The following CCDC167 variants were observed in gnomAD, a reference collection of about 807,000 sequenced individuals.
CCDC167 encodes the protein coiled-coil domain containing 167, also known as coiled-coil domain-containing protein 167.
In CCDC167, 15 loss-of-function variants were observed where a neutral mutation model predicts 12.7. The ratio of observed to expected loss-of-function variants is 1.18; its 90% CI spans 0.79 to 1.81. The LOEUF (loss-of-function observed/expected upper bound fraction) is 1.81. CCDC167 is among the 40% of genes most tolerant of loss of function. The probability of loss-of-function intolerance (pLI) is 0.00; values close to 1 mark genes in which losing one functional copy is unlikely to be tolerated. For missense variants in CCDC167, 121 were observed against 120.1 expected (o/e 1.01, Z -0.03); for synonymous variants, 52 against 49.0 (o/e 1.06, Z -0.26).
chr6:37,489,428 G>T (rs955937063), intron 1 of CCDC167, among the ~76,000 whole-genome samples: 2 of 152,104 alleles, frequency 1.3e-5, no homozygotes, highest in South Asian at 4.1e-4. Flanking sequence ...AGGCCAGCTC[G>T]CTCCGCTTAC....
In CCDC167 at chr6:37,484,219, C is replaced by A. The variant is rs555057081; in HGVS notation, c.190+591G>T. 3.4e-4 allele frequency among the ~76,000 whole-genome samples: 52 copies of A among 152,308 alleles called. No individual in the cohort carries two copies. In the South Asian group the frequency reaches 0.01, roughly 30 times the overall value. On this transcript the variant is annotated intron_variant, in intron 3 of 3. Transcript: ENST00000373408. ...GGGCTGATTCATGGCCAGGCCTGGTCCCCCAGGGGAGAACAGAACCGACAA... is the reference window on the plus strand; with the variant it reads ...GGGCTGATTCATGGCCAGGCCTGGTACCCCAGGGGAGAACAGAACCGACAA...
At chr6:37,494,509 T>C (rs1335567206) in intron 1 of CCDC167, among the ~76,000 whole-genome samples, 1 of 152,122 alleles carries the variant, frequency 6.6e-6, no homozygotes, top group Middle Eastern at 3.2e-3. Flanking sequence ...CTCCAGAAGG[T>C]GGAAAAGCTC....
intron 1 of CCDC167, among the ~76,000 whole-genome samples, chr6:37,494,804 A>ATTTTTTT (rs1561799989): frequency 6.7e-5 from 3 of 44,934 alleles, no homozygotes; most frequent in African/African-American, 3.5e-4. Context: ...CCTACCTACA[A>ATTTTTTT]ATTTTTTTTT....
chr6:37,497,358 C>A (rs1443115907), intron 1 of CCDC167, among the ~76,000 whole-genome samples: 4 of 152,182 alleles, frequency 2.6e-5, no homozygotes, highest in Admixed American at 2.6e-4. Context: ...TGACCTTATT[C>A]AATATATATT....
At chr6:37,496,857 G>A (rs564749308) in intron 1 of CCDC167, among the ~76,000 whole-genome samples, 1 of 152,356 alleles carries the variant, frequency 6.6e-6, no homozygotes, top group African/African-American at 2.4e-5. Context: ...ATCCCTTGCA[G>A]TCAGGTGGGG....
At chr6:37,492,405 G>A (rs745836409) in intron 1 of CCDC167, among the ~76,000 whole-genome samples, 6 of 152,192 alleles carry the variant, frequency 3.9e-5, no homozygotes, top group Non-Finnish European at 1.5e-5. Context: ...GTGAGGGAAA[G>A]CCCTCATTGA....
At position 37,488,200 on chromosome 6, in the gene CCDC167, A is replaced by T. The variant is rs535582565; in HGVS notation, c.43-3006T>A. The stretch of plus-strand genomic sequence containing the variant: ...AACATGAGTGGAGAGACTCCAGGGG[A>T]CCTGGCTGCAGAGGCAGGGAGGGAA... On this transcript the variant is annotated intron_variant, in intron 1 of 3. Coordinates refer to ENST00000373408, the MANE Select transcript of CCDC167 (RefSeq NM_138493.3). Among the ~76,000 whole-genome samples the T allele has an allele frequency of 3.1e-4, 47 of 152,284 alleles. 1 individual carries two copies. The South Asian group carries it at 9.5e-3, about 31-fold the overall frequency.
intron 1 of CCDC167, among the ~76,000 whole-genome samples, chr6:37,492,635 T>C (rs1762037619): frequency 3.9e-5 from 6 of 152,232 alleles, no homozygotes; most frequent in Admixed American, 3.9e-4. Flanking sequence ...ACCGAAGCCT[T>C]CCCTTTCACT....
intron 1 of CCDC167, among the ~76,000 whole-genome samples, chr6:37,493,629 T>G (rs1448291041): frequency 1.3e-5 from 2 of 152,232 alleles, no homozygotes; most frequent in Non-Finnish European, 2.9e-5. Flanking sequence ...CCCTGAACAG[T>G]CCTCTGCGTG....
intron 3 of CCDC167, among the ~76,000 whole-genome samples, chr6:37,484,174 T>C (rs1247003584): frequency 6.6e-6 from 1 of 152,226 alleles, no homozygotes; most frequent in East Asian, 1.9e-4. Context: ...GGGGGACTCC[T>C]TGCCATTAGA....
rs142095508 is a variant in CCDC167, at chr6:37,486,483, A to C, written c.43-1289T>G. On this transcript the variant is annotated intron_variant, in intron 1 of 3. Coordinates refer to ENST00000373408, the MANE Select transcript of CCDC167 (RefSeq NM_138493.3). The stretch of plus-strand genomic sequence containing the variant: ...GTCTCTGGGCCTTCTGTCTCTCTCC[A>C]CGGCCAACACCCATCTCAGCCACTT... Among the ~76,000 whole-genome samples, 654 of 152,098 alleles carry C rather than the reference A, an allele frequency of 4.3e-3. 5 individuals are homozygous for C. Among genetic ancestry groups the C allele is most frequent in the African/African-American group, 0.014 (578 of 41,472 alleles).
At chr6:37,483,374 C>T (rs1581761439) in intron 3 of CCDC167, 85 bp from the exon 4 acceptor site, 1 of 874,900 alleles carries the variant, frequency 1.1e-6, no homozygotes, top group African/African-American at 1.6e-5. Context: ...TGGGTACACA[C>T]TGCTGAGGGC....
intron 3 of CCDC167, among the ~76,000 whole-genome samples, 183 bp from the exon 4 acceptor site, chr6:37,483,472 T>C (rs1162426537): frequency 2.6e-5 from 4 of 152,262 alleles, no homozygotes; most frequent in East Asian, 1.9e-4. Flanking sequence ...CTTTTGGCTA[T>C]AGAGCCAGCC....
At chr6:37,497,463 T>C (rs1321624140) in intron 1 of CCDC167, among the ~76,000 whole-genome samples, 2 of 151,882 alleles carry the variant, frequency 1.3e-5, no homozygotes, top group African/African-American at 4.9e-5. Flanking sequence ...CTAAAAAACC[T>C]GTTTTCTTCT....
At chr6:37,483,911 C>T (rs1271585731) in intron 3 of CCDC167, among the ~76,000 whole-genome samples, 2 of 152,174 alleles carry the variant, frequency 1.3e-5, no homozygotes, top group East Asian at 1.9e-4. Flanking sequence ...CCAGGTGACA[C>T]GCAGGTAGGG....
In CCDC167 at chr6:37,484,930, T is replaced by C; in HGVS notation, c.138-68A>G. 6 of 1,598,450 alleles carry C rather than the reference T, an allele frequency of 3.8e-6. No individual in the cohort carries two copies. The South Asian group carries it at 5.5e-5, about 15-fold the overall frequency. ...TTCCCCACCCGAGGGGCAGCTGGCA[T>C]GCCAGTTGGCAGGGCTTGGGTCTTG... On this transcript the variant is annotated intron_variant, in intron 2 of 3. Coordinates refer to ENST00000373408, the MANE Select transcript of CCDC167 (RefSeq NM_138493.3).
Position 37,490,040 on chromosome 6 carries a change from CTG to C in CCDC167, c.43-4848_43-4847del, listed in dbSNP as rs1178554909. Reference sequence around the variant, plus strand: ...TCAATTTTTACATGGGGAAAAAGCACTGTGTCCCAGTCACTGAGATGAGTCAG... The same window carrying C: ...TCAATTTTTACATGGGGAAAAAGCACTGTCCCAGTCACTGAGATGAGTCAG... On this transcript the variant is annotated intron_variant, in intron 1 of 3. Coordinates refer to ENST00000373408, the MANE Select transcript of CCDC167 (RefSeq NM_138493.3). Among the ~76,000 whole-genome samples, 4 of 152,344 alleles carry C rather than the reference CTG, an allele frequency of 2.6e-5. No individual in the cohort carries two copies. In the East Asian group the frequency reaches 5.8e-4, roughly 22 times the overall value.
At chr6:37,483,981 T>G (rs962243309) in intron 3 of CCDC167, among the ~76,000 whole-genome samples, 1 of 152,178 alleles carries the variant, frequency 6.6e-6, no homozygotes, top group Admixed American at 6.5e-5. Flanking sequence ...CCGCTAAACT[T>G]GAAGGGAAAC....
At chr6:37,485,473 G>A (rs1041560733) in intron 1 of CCDC167, among the ~76,000 whole-genome samples, 6 of 152,270 alleles carry the variant, frequency 3.9e-5, no homozygotes, top group Non-Finnish European at 8.8e-5. Context: ...CAGCCCTCTG[G>A]GCCAAGCACA....
Sources: allele counts gnomAD v4.1 joint callset (sites outside exome capture counted in the v4.1 genomes callset), GRCh38; gene constraint gnomAD v4.1.1; transcripts MANE v1.5; gene names NCBI Gene and HGNC (gene_info 2026-07-23, HGNC 2026-07-21).